The following NEK11 variants were observed in gnomAD, a reference collection of about 807,000 sequenced individuals.
The protein encoded by NEK11 is NIMA related kinase 11, also known as serine/threonine-protein kinase Nek11.
Under a neutral mutation model 80.7 loss-of-function variants are expected in NEK11, and 72 were observed. The observed-to-expected ratio is 0.89, with a 90% CI of 0.74 to 1.08. The LOEUF (loss-of-function observed/expected upper bound fraction) is 1.08. Ranked by LOEUF, NEK11 falls within the 50% of genes least tolerant of loss-of-function variation. The probability of loss-of-function intolerance (pLI) is 0.00; values close to 1 mark genes in which losing one functional copy is unlikely to be tolerated. For missense variants in NEK11, 764 were observed against 763.6 expected, an observed-to-expected ratio of 1.00 and a Z score of -0.01; for synonymous variants, 251 against 260.7, an observed-to-expected ratio of 0.96 and a Z score of 0.36.
In NEK11 at chr3:131,349,752, A is replaced by G. The variant is rs770247413; in HGVS notation, c.1914A>G (p.Glu638=). 1 of 1,614,012 alleles carries G rather than the reference A, an allele frequency of 6.2e-7. No individual in the cohort carries two copies. The highest frequency in any genetic ancestry group is 1.1e-5 in the South Asian group (1 of 91,066). Residue 638 remains glutamate (E), a synonymous_variant, in exon 18 of 18, where the codon GAA becomes GAG. Coordinates refer to ENST00000383366, the MANE Select transcript of NEK11 (RefSeq NM_024800.5). ...EEQLLITMGK[E]PTLQNHL Reference sequence around the variant, plus strand: ...AGTTGCTGATCACGATGGGAAAAGAACCTACTCTCCAGAACCATCTCTAGG... The same window carrying G: ...AGTTGCTGATCACGATGGGAAAAGAGCCTACTCTCCAGAACCATCTCTAGG...
chr3:131,178,912 C>T (rs970438068), intron 14 of NEK11, among the ~76,000 whole-genome samples: 5 of 152,122 alleles, frequency 3.3e-5, no homozygotes, highest in Admixed American at 6.5e-5. Context: ...TTGACTGATA[C>T]GTCATTATGC....
At chr3:131,131,253 T>C (rs898194938) in intron 5 of NEK11, among the ~76,000 whole-genome samples, 8 of 152,204 alleles carry the variant, frequency 5.3e-5, no homozygotes, top group African/African-American at 1.4e-4. Context: ...AGTTAGGGAG[T>C]ATTTCCTCTG....
intron 4 of NEK11, among the ~76,000 whole-genome samples, chr3:131,091,543 A>G (rs1488897275): frequency 6.6e-6 from 1 of 152,224 alleles, no homozygotes; most frequent in Non-Finnish European, 1.5e-5. Flanking sequence ...CCATATGGCA[A>G]GGTAACCCAG....
chr3:131,096,002 G>C lies in NEK11; in HGVS notation c.337-13801G>C, dbSNP rs189810410. On this transcript the variant is annotated intron_variant, in intron 4 of 17. Transcript: ENST00000383366. ...CTTAGCTTTTTAAATAGAGAGAACT[G>C]TTTTCTTGAGTGATCAAAAGACTTA... Among the ~76,000 whole-genome samples, 72 of 152,232 alleles carry C rather than the reference G, an allele frequency of 4.7e-4. No individual in the cohort carries two copies. The East Asian group carries it at 0.013, about 29-fold the overall frequency.
At chr3:131,149,783 A>C (rs572352437) in intron 7 of NEK11, among the ~76,000 whole-genome samples, 16 of 151,818 alleles carry the variant, frequency 1.1e-4, no homozygotes, top group Non-Finnish European at 1.8e-4. Flanking sequence ...CCTTGCTAGA[A>C]ATCTATTAAA....
intron 16 of NEK11, among the ~76,000 whole-genome samples, chr3:131,270,046 A>G (rs922641485): frequency 6.6e-6 from 1 of 152,114 alleles, no homozygotes; most frequent in Non-Finnish European, 1.5e-5. Flanking sequence ...TCCCAATGGG[A>G]TCCTAGGTAA....
chr3:131,072,291 TA>T (rs2073522574), intron 3 of NEK11: 1 of 152,214 alleles, frequency 6.6e-6, no homozygotes, highest in East Asian at 1.9e-4. Context: ...CTGGCTGCCA[TA>T]GTTCAAGGAG....
chr3:131,062,337 T>G (rs2071033100), intron 3 of NEK11, among the ~76,000 whole-genome samples: 1 of 152,226 alleles, frequency 6.6e-6, no homozygotes, highest in Non-Finnish European at 1.5e-5. Context: ...CGGAGAACCT[T>G]CCAGGTTAAA....
At chr3:131,032,158 C>T (rs1245533851) in intron 3 of NEK11, among the ~76,000 whole-genome samples, 1 of 152,076 alleles carries the variant, frequency 6.6e-6, no homozygotes, top group Non-Finnish European at 1.5e-5. Context: ...GACAGGGTTT[C>T]ACCATGTTGG....
At chr3:131,033,780 T>C (rs2065226609) in intron 3 of NEK11, among the ~76,000 whole-genome samples, 1 of 152,210 alleles carries the variant, frequency 6.6e-6, no homozygotes, top group Non-Finnish European at 1.5e-5. Flanking sequence ...GAGATTAAAA[T>C]AAAACCTACA....
At chr3:131,126,317 A>AT (rs988482268) in intron 5 of NEK11, among the ~76,000 whole-genome samples, 2 of 151,720 alleles carry the variant, frequency 1.3e-5, no homozygotes, top group African/African-American at 4.8e-5. Context: ...TTCTGTGGTC[A>AT]TTTTTTTTCC....
At chr3:131,108,882 A>G (rs1346270912) in intron 4 of NEK11, among the ~76,000 whole-genome samples, 1 of 152,108 alleles carries the variant, frequency 6.6e-6, no homozygotes, top group Non-Finnish European at 1.5e-5. Flanking sequence ...TGCTGAACTC[A>G]AAAGAAGCTA....
At chr3:131,048,695 C>T (rs1368949904) in intron 3 of NEK11, among the ~76,000 whole-genome samples, 2 of 152,180 alleles carry the variant, frequency 1.3e-5, no homozygotes, top group Admixed American at 6.5e-5. Flanking sequence ...TGGATCCTCT[C>T]GCTTTCCTGG....
intron 3 of NEK11, among the ~76,000 whole-genome samples, chr3:131,048,693 C>T (rs1223697887): frequency 6.6e-6 from 1 of 152,190 alleles, no homozygotes; most frequent in Non-Finnish European, 1.5e-5. Context: ...TGTGGATCCT[C>T]TCGCTTTCCT....
intron 14 of NEK11, among the ~76,000 whole-genome samples, chr3:131,199,262 A>C (rs999640958): frequency 2.8e-4 from 43 of 152,300 alleles, no homozygotes; most frequent in Non-Finnish European, 2.1e-4. Flanking sequence ...TTAGGAAAAA[A>C]AGAAAACCCA....
chr3:131,168,884 C>A lies in NEK11; in HGVS notation c.1231C>A (p.Leu411Ile). 1 of 1,614,026 alleles carries A rather than the reference C, an allele frequency of 6.2e-7. No homozygotes were observed. The highest frequency in any genetic ancestry group is 8.5e-7 in the Non-Finnish European group (1 of 1,179,960). ...AAAGGAGGAGCAACCTGAGGGAAGA[C>A]TTTCTTGTTCACCCCAGGACGAGGA... is the stretch of plus-strand genomic sequence containing the variant. The part of the protein sequence containing the change: ...EEKEEQPEGR[L>I]SCSPQDEDEE... Residue 411 changes from leucine (L) to isoleucine (I), a missense_variant, in exon 13 of 18, where the codon CTT becomes ATT. Physicochemically the swap from Leu to Ile is conservative, Grantham distance 5 (BLOSUM62 2). Coordinates refer to ENST00000383366, the MANE Select transcript of NEK11 (RefSeq NM_024800.5).
intron 9 of NEK11, 44 bp from the exon 10 acceptor site, chr3:131,154,992 A>G: frequency 8.4e-7 from 1 of 1,191,278 alleles, no homozygotes; most frequent in Non-Finnish European, 1.2e-6. Flanking sequence ...TTTCATCCCT[A>G]AAGAGGAGCC....
At chr3:131,235,141 C>T (rs1377722854) in intron 15 of NEK11, among the ~76,000 whole-genome samples, 2 of 152,172 alleles carry the variant, frequency 1.3e-5, no homozygotes, top group African/African-American at 4.8e-5. Context: ...GGTCAATGGG[C>T]AAATAAAGGG....
chr3:131,070,834 G>T (rs1269522612), intron 3 of NEK11, among the ~76,000 whole-genome samples: 1 of 152,136 alleles, frequency 6.6e-6, no homozygotes, highest in African/African-American at 2.4e-5. Flanking sequence ...CCTTCAAGAG[G>T]TAAATGGTGG....
Sources: gnomAD v4.1 joint callset for allele counts (sites outside exome capture counted in the v4.1 genomes callset) on GRCh38, gnomAD v4.1.1 for gene constraint, MANE v1.5 for transcripts, NCBI Gene and HGNC (gene_info 2026-07-23, HGNC 2026-07-21) for gene names.